Variants in ATP6V1C2 observed in about 807,000 individuals in gnomAD.
ATP6V1C2 encodes V-type proton ATPase subunit C 2.
Under a neutral mutation model 56.8 loss-of-function variants are expected in ATP6V1C2, and 45 were observed. The observed-to-expected ratio is 0.79, with a 90% CI of 0.62 to 1.02. The LOEUF (loss-of-function observed/expected upper bound fraction) is 1.02. Among genes scored for constraint, ATP6V1C2 ranks in the 50% least tolerant of loss-of-function variants. ATP6V1C2 has a pLI of 0.00. For missense variants in ATP6V1C2, 463 were observed against 519.7 expected, an observed-to-expected ratio of 0.89 and a Z score of 1.06; for synonymous variants, 220 against 201.3, an observed-to-expected ratio of 1.09 and a Z score of -0.79.
chr2:10,774,784 A>G lies in ATP6V1C2; in HGVS notation c.639-4A>G, dbSNP rs1297912809. On this transcript the variant is annotated splice_polypyrimidine_tract_variant and splice_region_variant and intron_variant, in intron 8 of 13. Coordinates refer to ENST00000272238, the MANE Select transcript of ATP6V1C2 (RefSeq NM_001039362.2). ...TCCAGCCAACAGATGCTTCTCTCCA[A>G]CAGACTCATTACTGAGGACAAGGAA... 3 of 1,613,420 alleles carry G rather than the reference A, an allele frequency of 1.9e-6. No homozygotes were observed. The highest frequency in any genetic ancestry group is 1.7e-5 in the Admixed American group (1 of 60,018).
intron 5 of ATP6V1C2, among the ~76,000 whole-genome samples, chr2:10,767,375 C>T (rs1249690200): frequency 6.6e-6 from 1 of 152,010 alleles, no homozygotes; most frequent in Non-Finnish European, 1.5e-5. Context: ...GTTGCCCAGG[C>T]TGGTCCCAAA....
At chr2:10,773,430 T>G (rs980407190) in intron 8 of ATP6V1C2, among the ~76,000 whole-genome samples, 1 of 152,202 alleles carries the variant, frequency 6.6e-6, no homozygotes, top group Non-Finnish European at 1.5e-5. Flanking sequence ...TTGCCCAGGC[T>G]GGAGTGCAGT....
At position 10,784,000 on chromosome 2, in the gene ATP6V1C2, C is replaced by A. The variant is rs1264283945; in HGVS notation, c.*737C>A. The A allele has an allele frequency of 6.6e-6, 2 of 304,324 alleles. No individual in the cohort carries two copies. Among genetic ancestry groups the A allele is most frequent in the African/African-American group, 4.3e-5 (2 of 46,276 alleles). 18.9% of individuals were successfully genotyped at this position (304,324 alleles called of 1,614,324 possible). A position where few individuals can be genotyped will look rare whatever the true frequency, so the allele number is the denominator to read the frequency against. On this transcript the variant is annotated 3_prime_UTR_variant, in exon 14 of 14. Transcript: ENST00000272238. ...GCAGTCAGAGAGAAAAATGTTTCGA[C>A]AGCCAAGTTTTCTTCAAAATATTAT...
intron 12 of ATP6V1C2, 109 bp from the exon 13 acceptor site, chr2:10,782,134 G>T: frequency 7.7e-7 from 1 of 1,304,232 alleles, no homozygotes; most frequent in Non-Finnish European, 1.1e-6. Flanking sequence ...TTATGAAGCT[G>T]TGTTGGTTGA....
Position 10,764,342 on chromosome 2 carries a change from TC to T in ATP6V1C2, c.297del (p.Phe100LeufsTer2), listed in dbSNP as rs1453076892. On this transcript the variant is annotated frameshift_variant, in exon 5 of 14. Coordinates refer to ENST00000272238, the MANE Select transcript of ATP6V1C2 (RefSeq NM_001039362.2). LOFTEE classifies it high-confidence loss of function. ...HLLANGVDLT[S>X]FVTHFEWDMA... ...TTGTATTCTTCCAGTTGACTTAACATCCTTTGTGACCCACTTTGAATGGGAC... is the reference window on the plus strand; with the variant it reads ...TTGTATTCTTCCAGTTGACTTAACATCTTTGTGACCCACTTTGAATGGGAC... The T allele has an allele frequency of 6.2e-7, 1 of 1,613,440 alleles. No homozygotes were observed. Among genetic ancestry groups the T allele is most frequent in the African/African-American group, 1.3e-5 (1 of 74,932 alleles).
intron 4 of ATP6V1C2, among the ~76,000 whole-genome samples, chr2:10,760,016 G>A (rs1408858886): frequency 1.1e-5 from 1 of 89,242 alleles, no homozygotes; most frequent in East Asian, 5.7e-4. Context: ...AAGACAAGCA[G>A]TTTTTTGTTT....
In ATP6V1C2 at chr2:10,782,190, A is replaced by G. The variant is rs1402235161; in HGVS notation, c.1062-53A>G. 87 of 1,605,060 alleles carry G rather than the reference A, an allele frequency of 5.4e-5. 1 individual carries two copies. The East Asian group carries it at 1.9e-3, about 36-fold the overall frequency. On this transcript the variant is annotated intron_variant, in intron 12 of 13. Coordinates refer to ENST00000272238, the MANE Select transcript of ATP6V1C2 (RefSeq NM_001039362.2). The stretch of plus-strand genomic sequence containing the variant: ...TACTGTTTCTGGTCAGGTTCCTTCT[A>G]TCCGTGTTTGCATTTGGAGCAGTGA...
chr2:10,759,690 C>T (rs1663783268), intron 4 of ATP6V1C2, among the ~76,000 whole-genome samples: 1 of 152,128 alleles, frequency 6.6e-6, no homozygotes, highest in Non-Finnish European at 1.5e-5. Context: ...GTACAGAAGG[C>T]CGGAGGGGCT....
rs184675397 is a variant in ATP6V1C2, at chr2:10,764,832, G to A, written c.378+407G>A. 2.0e-3 allele frequency among the ~76,000 whole-genome samples: 297 copies of A among 152,286 alleles called. 3 individuals are homozygous for A. The highest frequency in any genetic ancestry group is 6.9e-3 in the African/African-American group (288 of 41,568). On this transcript the variant is annotated intron_variant, in intron 5 of 13. Coordinates refer to ENST00000272238, the MANE Select transcript of ATP6V1C2 (RefSeq NM_001039362.2). ...TAAAAAATACAAAAATTAGCCAGGC[G>A]TGGTGGCGCACACCTGTAGTCCTTG...
intron 5 of ATP6V1C2, among the ~76,000 whole-genome samples, chr2:10,765,007 C>T (rs1472463856): frequency 6.6e-6 from 1 of 151,916 alleles, no homozygotes; most frequent in Non-Finnish European, 1.5e-5. Context: ...ATGGTGAAGG[C>T]AGCTCCCTCA....
At chr2:10,767,159 C>CTTTTTTTTTTTTT (rs33943682) in intron 5 of ATP6V1C2, among the ~76,000 whole-genome samples, 68 of 109,292 alleles carry the variant, frequency 6.2e-4, no homozygotes, top group East Asian at 1.4e-3. Flanking sequence ...CATTTTTTAT[C>CTTTTTTTTTTTTT]TTTTTTTTTT....
chr2:10,722,841 A>G lies in ATP6V1C2; in HGVS notation c.-9A>G. On this transcript the variant is annotated 5_prime_UTR_variant, in exon 2 of 14. Transcript: ENST00000272238. The stretch of plus-strand genomic sequence containing the variant: ...CTGGGCAGTCACTGGGTAAGAGAAG[A>G]CTGGAAGCATGTCGGAGTTTTGGTT... 1 of 1,613,984 alleles carries G rather than the reference A, an allele frequency of 6.2e-7. No individual in the cohort carries two copies.
intron 4 of ATP6V1C2, among the ~76,000 whole-genome samples, chr2:10,758,832 C>A (rs1449384578): frequency 6.6e-6 from 1 of 152,048 alleles, no homozygotes; most frequent in Non-Finnish European, 1.5e-5. Flanking sequence ...CCATACCTGG[C>A]TAATTTTTGT....
In ATP6V1C2 at chr2:10,783,433, C is replaced by T. The variant is rs1665518530; in HGVS notation, c.*170C>T. ...TATTTTTTTAAGTTACAATAAAATG[C>T]TCTCAAGTCCTTTGAATGTTCCAAC... is the stretch of plus-strand genomic sequence containing the variant. On this transcript the variant is annotated 3_prime_UTR_variant, in exon 14 of 14. Coordinates refer to ENST00000272238, the MANE Select transcript of ATP6V1C2 (RefSeq NM_001039362.2). 3 of 502,812 alleles carry T rather than the reference C, an allele frequency of 6.0e-6. No individual in the cohort carries two copies. The highest frequency in any genetic ancestry group is 7.4e-5 in the Admixed American group (2 of 26,942). 31.1% of individuals were successfully genotyped at this position (502,812 alleles called of 1,614,324 possible).
At chr2:10,770,133 T>TC in intron 6 of ATP6V1C2, 1 of 152,176 alleles carries the variant, frequency 6.6e-6, no homozygotes, top group African/African-American at 2.4e-5. Context: ...GCATGGTGGC[T>TC]CATGCCTGTA....
chr2:10,755,733 C>T (rs1663516064), intron 4 of ATP6V1C2, among the ~76,000 whole-genome samples: 3 of 152,174 alleles, frequency 2.0e-5, no homozygotes, highest in Non-Finnish European at 4.4e-5. Context: ...TCCCTTTGCC[C>T]AAATCAGGTA....
chr2:10,725,558 G>A (rs563748327), intron 2 of ATP6V1C2, among the ~76,000 whole-genome samples: 16 of 137,732 alleles, frequency 1.2e-4, no homozygotes, highest in Admixed American at 5.3e-4. Context: ...GCAGTGGTGC[G>A]ATCTTGGCTC....
rs184414523 is a variant in ATP6V1C2, at chr2:10,746,086, A to G, written c.198-7895A>G. Among the ~76,000 whole-genome samples the G allele has an allele frequency of 9.2e-5, 14 of 151,956 alleles. No homozygotes were observed. In the East Asian group the frequency reaches 2.7e-3, roughly 29 times the overall value. On this transcript the variant is annotated intron_variant, in intron 3 of 13. Transcript: ENST00000272238. Reference sequence around the variant, plus strand: ...TTTTGAGATGGAGTTTGTGACCTCCACCTCCTGGGTTTAAGCAATTCTCCT... The same window carrying G: ...TTTTGAGATGGAGTTTGTGACCTCCGCCTCCTGGGTTTAAGCAATTCTCCT...
chr2:10,756,905 G>A (rs1040033343), intron 4 of ATP6V1C2, among the ~76,000 whole-genome samples: 10 of 150,276 alleles, frequency 6.7e-5, no homozygotes, highest in South Asian at 6.3e-4. Context: ...ATGAAGCAAC[G>A]CATGACTGTT....
Sources: gnomAD v4.1 joint callset for allele counts (sites outside exome capture counted in the v4.1 genomes callset) on GRCh38, gnomAD v4.1.1 for gene constraint, MANE v1.5 for transcripts, NCBI Gene and HGNC (gene_info 2026-07-23, HGNC 2026-07-21) for gene names.